Variants in ATR observed in about 807,000 individuals in gnomAD.
ATR encodes serine/threonine-protein kinase ATR.
ATR carries 142 observed loss-of-function variants against 305.3 expected under a neutral mutation model. That is an observed-to-expected ratio of 0.47 (90% confidence interval 0.41 to 0.53). The LOEUF (loss-of-function observed/expected upper bound fraction) is 0.53, where lower values mean the gene tolerates loss of function less well. Among genes scored for constraint, ATR ranks in the 20% least tolerant of loss-of-function variants. ATR has a pLI of 0.00. For synonymous variants in ATR, 1,050 were observed against 1,068.1 expected, an observed-to-expected ratio of 0.98 and a Z score of 0.33; for missense variants, 2,135 against 3,133.1, an observed-to-expected ratio of 0.68 and a Z score of 7.60.
At chr3:142,508,399 G>A (rs995889017) in intron 27 of ATR, among the ~76,000 whole-genome samples, 1 of 151,980 alleles carries the variant, frequency 6.6e-6, no homozygotes, top group African/African-American at 2.4e-5. Flanking sequence ...CAACGTTGTT[G>A]GTGAGGATTA....
intron 46 of ATR, chr3:142,452,434 G>A (rs546383210): frequency 2.7e-5 from 26 of 978,740 alleles, no homozygotes; most frequent in South Asian, 4.7e-5. Flanking sequence ...CTGCATTTTG[G>A]GATGCTGAGG....
chr3:142,511,674 A>C (rs562191917), intron 27 of ATR, among the ~76,000 whole-genome samples: 1 of 152,238 alleles, frequency 6.6e-6, no homozygotes, highest in Non-Finnish European at 1.5e-5. Context: ...ATTAATAAAT[A>C]AAAATAAAAA....
intron 4 of ATR, 79 bp from the exon 5 acceptor site, chr3:142,561,500 T>C (rs1224875840): frequency 4.9e-6 from 7 of 1,424,580 alleles, no homozygotes; most frequent in African/African-American, 4.3e-5. Context: ...AAGAATGTAT[T>C]AGATGTTAGG....
Position 142,524,061 on chromosome 3 carries a change from C to T in ATR, c.4084G>A (p.Gly1362Arg). The T allele has an allele frequency of 6.2e-7, 1 of 1,614,070 alleles. No individual in the cohort carries two copies. The highest frequency in any genetic ancestry group is 8.5e-7 in the Non-Finnish European group (1 of 1,179,984). ...LLCGECLGELGAIDPGRLDFS... is the reference protein window; with the variant it reads ...LLCGECLGELRAIDPGRLDFS... ...TCTAATCGACCTGGATCTATCGCCC[C>T]CAATTCCCCTAAACATTCCCCACAG... Residue 1362 changes from glycine to arginine, a missense_variant, in exon 22 of 47, where the codon GGG (glycine) becomes AGG (arginine). Coordinates refer to ENST00000350721, the MANE Select transcript of ATR (RefSeq NM_001184.4).
chr3:142,562,164 G>A (rs990620543), intron 4 of ATR, 68 bp downstream of exon 4: 2 of 1,474,494 alleles, frequency 1.4e-6, no homozygotes, highest in South Asian at 1.2e-5. Context: ...ATTACATTTT[G>A]CACATATGTA....
chr3:142,556,638 A>G, intron 8 of ATR, 63 bp from the exon 9 acceptor site: 1 of 1,434,126 alleles, frequency 7.0e-7, no homozygotes, highest in Non-Finnish European at 9.6e-7. Context: ...ATACACATAT[A>G]CATATATATA....
chr3:142,533,932 T>G (rs1468058667), intron 21 of ATR, among the ~76,000 whole-genome samples: 1 of 151,436 alleles, frequency 6.6e-6, no homozygotes, highest in Non-Finnish European at 1.5e-5. Flanking sequence ...GCAGCTTTCC[T>G]TAAGACTGTA....
At chr3:142,450,053 G>A (rs886199677) in intron 46 of ATR, 22 of 295,904 alleles carry the variant, frequency 7.4e-5, no homozygotes, top group Non-Finnish European at 1.3e-4. Flanking sequence ...GCAAAAGGAA[G>A]AATAACGTTA....
chr3:142,551,251 C>A (rs1313254218), intron 13 of ATR, among the ~76,000 whole-genome samples: 6 of 151,960 alleles, frequency 3.9e-5, no homozygotes, highest in South Asian at 2.1e-4. Context: ...CTCTAAAACC[C>A]CATCTCTACA....
intron 36 of ATR, among the ~76,000 whole-genome samples, chr3:142,475,556 A>C (rs562160276): frequency 6.6e-6 from 1 of 152,296 alleles, no homozygotes; most frequent in East Asian, 1.9e-4. Context: ...CGCAATAAAC[A>C]TACATGTGCA....
intron 21 of ATR, among the ~76,000 whole-genome samples, chr3:142,531,419 C>A (rs2033636588): frequency 6.6e-6 from 1 of 152,016 alleles, no homozygotes; most frequent in South Asian, 2.1e-4. Context: ...CCTCACCCCA[C>A]AACAGGCCCC....
chr3:142,512,850 C>T (rs1323639628), intron 26 of ATR, among the ~76,000 whole-genome samples: 1 of 151,840 alleles, frequency 6.6e-6, no homozygotes, highest in Non-Finnish European at 1.5e-5. Flanking sequence ...GAGGCTCTGT[C>T]TCAAAAAAAG....
At chr3:142,483,772 G>T (rs1281945353) in intron 36 of ATR, among the ~76,000 whole-genome samples, 1 of 151,944 alleles carries the variant, frequency 6.6e-6, no homozygotes, top group Admixed American at 6.6e-5. Context: ...AGCAGAGGTT[G>T]CAGTGAGCTG....
intron 14 of ATR, 151 bp downstream of exon 14, chr3:142,549,981 G>C: frequency 9.5e-7 from 1 of 1,057,274 alleles, no homozygotes; most frequent in Middle Eastern, 2.9e-4. Flanking sequence ...TAACTTTTCA[G>C]GACAGCTAAC....
At chr3:142,499,586 A>G (rs2031845745) in intron 31 of ATR, 41 bp downstream of exon 31, 2 of 1,585,154 alleles carry the variant, frequency 1.3e-6, no homozygotes, top group African/African-American at 1.3e-5. Context: ...GAGCCACCGC[A>G]CCCATCCTAA....
chr3:142,470,032 T>C, intron 37 of ATR, 54 bp downstream of exon 37: 2 of 1,418,950 alleles, frequency 1.4e-6, no homozygotes, highest in Non-Finnish European at 2.0e-6. Flanking sequence ...AATCTGACTT[T>C]ATACCAAAGT....
chr3:142,574,118 A>C (rs1179502782), intron 1 of ATR, among the ~76,000 whole-genome samples: 1 of 152,212 alleles, frequency 6.6e-6, no homozygotes, highest in Non-Finnish European at 1.5e-5. Context: ...ATTTTTAAAA[A>C]TCAGTTTTAG....
At chr3:142,452,297 G>A (rs948844688) in intron 46 of ATR, 10 of 989,058 alleles carry the variant, frequency 1.0e-5, no homozygotes, top group Non-Finnish European at 1.2e-5. Flanking sequence ...ATTGTATTTA[G>A]TAAGCCTGTA....
intron 27 of ATR, among the ~76,000 whole-genome samples, chr3:142,510,694 TGTTA>T (rs146820066): frequency 0.028 from 4,214 of 152,182 alleles, 179 homozygotes; most frequent in African/African-American, 0.096. Context: ...CTTTAAGGAC[TGTTA>T]GATAGTTTTT....
Sources: allele counts gnomAD v4.1 joint callset (sites outside exome capture counted in the v4.1 genomes callset), GRCh38; gene constraint gnomAD v4.1.1; transcripts MANE v1.5; gene names NCBI Gene and HGNC (gene_info 2026-07-23, HGNC 2026-07-21).